Variants in DAAM2 observed in about 807,000 individuals in gnomAD.
DAAM2 encodes dishevelled associated activator of morphogenesis 2.
Under a neutral mutation model 120.7 loss-of-function variants are expected in DAAM2, and 39 were observed. The observed-to-expected ratio is 0.32, with a 90% CI of 0.25 to 0.42. The LOEUF is 0.42. Among genes scored for constraint, DAAM2 ranks in the 10% least tolerant of loss-of-function variants. The pLI is 1.00. For missense variants in DAAM2, 1,283 were observed against 1,401.7 expected, an observed-to-expected ratio of 0.92 and a Z score of 1.35; for synonymous variants, 488 against 524.9, an observed-to-expected ratio of 0.93 and a Z score of 0.96.
intron 1 of DAAM2, among the ~76,000 whole-genome samples, chr6:39,818,539 G>A (rs552805779): frequency 2.3e-4 from 35 of 152,298 alleles, no homozygotes; most frequent in African/African-American, 5.8e-4. Context: ...CAATTCATTC[G>A]TAGCAGAGGT....
chr6:39,810,636 A>C (rs923517281), intron 1 of DAAM2, among the ~76,000 whole-genome samples: 4 of 152,054 alleles, frequency 2.6e-5, no homozygotes, highest in Non-Finnish European at 4.4e-5. Context: ...AAAGGGGAAG[A>C]GCCCCATTTT....
intron 1 of DAAM2, among the ~76,000 whole-genome samples, chr6:39,824,665 G>A (rs1762603933): frequency 6.6e-6 from 1 of 152,146 alleles, no homozygotes. Context: ...AGGAGAAGCT[G>A]GCCAGCTCCT....
Position 39,878,077 on chromosome 6 carries a change from C to T in DAAM2, c.1302-126C>T, listed in dbSNP as rs1764944249. ...ACCTGGGAAGTCTAAATCCTAGCCC[C>T]CTTGATGTGGCTGGACAGATTGGAG... is the stretch of plus-strand genomic sequence containing the variant. On this transcript the variant is annotated intron_variant, in intron 11 of 24. Transcript: ENST00000274867. This position sits in a 1 kb window ranked among gnomAD's most constrained non-coding sequence, Gnocchi z 5.0. The T allele has an allele frequency of 2.1e-6, 2 of 932,690 alleles. No individual in the cohort carries two copies. Among genetic ancestry groups the T allele is most frequent in the African/African-American group, 1.6e-5 (1 of 60,660 alleles). The allele number at this position is 932,690 out of a possible 1,614,324, so 57.8% of individuals were successfully genotyped here. A position where few individuals can be genotyped will look rare whatever the true frequency, so the allele number is the denominator to read the frequency against.
In DAAM2 at chr6:39,879,240, A is replaced by G; in HGVS notation, c.1608A>G (p.Thr536=). 1 of 1,549,518 alleles carries G rather than the reference A, an allele frequency of 6.5e-7. No individual in the cohort carries two copies. The highest frequency in any genetic ancestry group is 8.7e-7 in the Non-Finnish European group (1 of 1,145,526). The change falls in exon 14 of 25, where the codon ACA becomes ACG. Residue 536 remains threonine (T), a synonymous_variant. Coordinates refer to ENST00000274867, the MANE Select transcript of DAAM2 (RefSeq NM_001201427.2). ...CACTCACCTTGTCTTCCTCAATGAC[A>G]ACCAATGACCTGCCTCCACCCCCTC... is the stretch of plus-strand genomic sequence containing the variant. ...GGPLTLSSSM[T]TNDLPPPPPP...
chr6:39,814,680 G>A (rs967554506), intron 1 of DAAM2, among the ~76,000 whole-genome samples: 3 of 152,218 alleles, frequency 2.0e-5, no homozygotes, highest in African/African-American at 7.2e-5. Context: ...TTTCTGCTAA[G>A]CCTTTCTGGA....
intron 19 of DAAM2, among the ~76,000 whole-genome samples, chr6:39,892,624 A>G (rs1014291001): frequency 1.3e-5 from 2 of 152,012 alleles, no homozygotes; most frequent in African/African-American, 4.8e-5. Context: ...TGTGGGGAGG[A>G]CAGGGTCAGC....
chr6:39,866,669 C>T (rs1582700000), intron 5 of DAAM2, among the ~76,000 whole-genome samples: 1 of 152,190 alleles, frequency 6.6e-6, no homozygotes, highest in South Asian at 2.1e-4. Flanking sequence ...AATGAGATAG[C>T]AATGAATTCT....
chr6:39,881,096 C>T (rs1765095466), intron 14 of DAAM2, among the ~76,000 whole-genome samples: 1 of 152,190 alleles, frequency 6.6e-6, no homozygotes, highest in Non-Finnish European at 1.5e-5. Flanking sequence ...TGAAGGAAGA[C>T]AGCTAAAGCA....
chr6:39,799,714 C>A (rs1238793862), intron 1 of DAAM2, among the ~76,000 whole-genome samples: 1 of 152,152 alleles, frequency 6.6e-6, no homozygotes, highest in African/African-American at 2.4e-5. Context: ...AAAATATATT[C>A]TTCATTTGAT....
intron 1 of DAAM2, among the ~76,000 whole-genome samples, chr6:39,795,549 A>G (rs1761674966): frequency 6.6e-6 from 1 of 152,270 alleles, no homozygotes; most frequent in East Asian, 1.9e-4. Flanking sequence ...ATTTATGCAC[A>G]AGAACTAAGA....
chr6:39,904,129 G>A lies in DAAM2; in HGVS notation c.*2092G>A. Reference sequence around the variant, plus strand: ...TCTGGCATTCCCACCCACCATGGAAGACTGGATACGCACCTGGAAACAAAA... The same window carrying A: ...TCTGGCATTCCCACCCACCATGGAAAACTGGATACGCACCTGGAAACAAAA... On this transcript the variant is annotated 3_prime_UTR_variant, in exon 25 of 25. Transcript: ENST00000274867. 2.2e-6 allele frequency: 1 copy of A among 451,298 alleles called. No homozygotes were observed. The highest frequency in any genetic ancestry group is 1.6e-5 in the South Asian group (1 of 63,600). The allele number at this position is 451,298 out of a possible 1,614,324, so 28.0% of individuals were successfully genotyped here.
chr6:39,857,843 A>G (rs1764066343), intron 2 of DAAM2, among the ~76,000 whole-genome samples: 1 of 152,100 alleles, frequency 6.6e-6, no homozygotes, highest in Non-Finnish European at 1.5e-5. Flanking sequence ...CTAGGGATGT[A>G]GAGATGAGCC....
intron 11 of DAAM2, among the ~76,000 whole-genome samples, chr6:39,877,754 GTC>G (rs1400424551): frequency 6.6e-6 from 1 of 152,202 alleles, no homozygotes; most frequent in Non-Finnish European, 1.5e-5. Context: ...TGTGGGTGAT[GTC>G]TCTTGCTCTT....
chr6:39,796,384 G>A (rs536705829), intron 1 of DAAM2, among the ~76,000 whole-genome samples: 162 of 152,202 alleles, frequency 1.1e-3, no homozygotes, highest in Non-Finnish European at 2.0e-3. Flanking sequence ...GGCCCAGAGC[G>A]GGGGTCAGTG....
intron 1 of DAAM2, among the ~76,000 whole-genome samples, chr6:39,839,890 C>T (rs1582652392): frequency 6.6e-6 from 1 of 152,064 alleles, no homozygotes; most frequent in African/African-American, 2.4e-5. Context: ...TGTGTGGGTG[C>T]GGGAGTACCT....
intron 1 of DAAM2, among the ~76,000 whole-genome samples, chr6:39,809,335 C>T (rs916003282): frequency 3.9e-5 from 6 of 152,186 alleles, no homozygotes; most frequent in African/African-American, 9.7e-5. Flanking sequence ...TAGTTCATTG[C>T]TCTTCCGTGA....
intron 1 of DAAM2, among the ~76,000 whole-genome samples, chr6:39,815,467 C>A (rs1402967207): frequency 1.3e-5 from 2 of 152,136 alleles, no homozygotes; most frequent in Non-Finnish European, 2.9e-5. Flanking sequence ...TATGAAATAA[C>A]CATGGTATTC....
rs1766652037 is a variant in DAAM2 at position 39,904,212 on chromosome 6, A to G, written c.*2175A>G. 2 of 456,666 alleles carry G rather than the reference A, an allele frequency of 4.4e-6. No individual in the cohort carries two copies. Among genetic ancestry groups the G allele is most frequent in the Admixed American group, 2.3e-5 (1 of 42,570 alleles). The allele number at this position is 456,666 out of a possible 1,614,324, so 28.3% of individuals were successfully genotyped here. ...CTTCAGAAAAGCAGAATTTGGTTCA[A>G]CTGTTGACAGAGGACACAAATACGT... On this transcript the variant is annotated 3_prime_UTR_variant, in exon 25 of 25. Transcript: ENST00000274867.
intron 1 of DAAM2, among the ~76,000 whole-genome samples, chr6:39,825,801 T>G (rs957075368): frequency 1.3e-5 from 2 of 152,122 alleles, no homozygotes; most frequent in African/African-American, 4.8e-5. Context: ...TCCTTGGATG[T>G]GGGATTCTCT....
Sources: gnomAD v4.1 joint callset for allele counts (sites outside exome capture counted in the v4.1 genomes callset) on GRCh38, gnomAD v4.1.1 for gene constraint, Gnocchi (gnomAD v3.1) non-coding constraint, MANE v1.5 for transcripts, NCBI Gene and HGNC (gene_info 2026-07-23, HGNC 2026-07-21) for gene names.